Variants in KDM2B observed in about 807,000 individuals in gnomAD.
KDM2B encodes the protein lysine-specific demethylase 2B.
In KDM2B, 26 loss-of-function variants were observed where a neutral mutation model predicts 150.0. The ratio of observed to expected loss-of-function variants is 0.17; its 90% confidence interval spans 0.13 to 0.24. The LOEUF is 0.24. Ranked by LOEUF, KDM2B falls within the 10% of genes least tolerant of loss-of-function variation. KDM2B has a pLI of 1.00. For synonymous variants in KDM2B, 734 were observed against 729.5 expected, an observed-to-expected ratio of 1.01 and a Z score of -0.10; for missense variants, 1,265 against 1,816.9, an observed-to-expected ratio of 0.70 and a Z score of 5.52.
At chr12:121,423,640 A>G in the KDM2B span, 2 of 1,381,994 alleles carry the variant, frequency 1.4e-6, no homozygotes, top group Non-Finnish European at 2.0e-6. This position sits in a 1 kb window ranked among gnomAD's most constrained non-coding sequence, Gnocchi z 4.3. Context: ...AATGCACAGA[A>G]GGGACTGGAA....
At chr12:121,416,397 A>T in the KDM2B span, 1 of 1,456,818 alleles carries the variant, frequency 6.9e-7, no homozygotes, top group Non-Finnish European at 9.6e-7. Context: ...ATGAAATGTT[A>T]CATAACAACA....
At chr12:121,462,328 G>C (rs1879225482) in intron 12 of KDM2B, among the ~76,000 whole-genome samples, 1 of 152,282 alleles carries the variant, frequency 6.6e-6, no homozygotes, top group Admixed American at 6.5e-5. Flanking sequence ...TAAGGAGCAA[G>C]AGACTAAAAA....
At chr12:121,542,480 A>G (rs1555309921) in intron 6 of KDM2B, among the ~76,000 whole-genome samples, 1 of 152,270 alleles carries the variant, frequency 6.6e-6, no homozygotes. Context: ...ACCCTGAGCC[A>G]GAACCACCCA....
chr12:121,532,732 C>T lies in KDM2B; in HGVS notation c.931+74G>A, dbSNP rs1555308047. 3.9e-6 allele frequency: 6 copies of T among 1,519,686 alleles called. No homozygotes were observed. In the African/African-American group the frequency reaches 8.2e-5, roughly 21 times the overall value. The allele number at this position is 1,519,686 out of a possible 1,614,324, so 94.1% of individuals were successfully genotyped here. On this transcript the variant is annotated intron_variant, in intron 8 of 22. Transcript: ENST00000377071. ...TCAAACCCACCAGGCCCAGAGCAACCCTCAGGGGGCCTAAAACCCTGGCTC... is the reference window on the plus strand; with the variant it reads ...TCAAACCCACCAGGCCCAGAGCAACTCTCAGGGGGCCTAAAACCCTGGCTC...
chr12:121,549,071 C>A lies in KDM2B; in HGVS notation c.577-88G>T. ...TTTCCCCGGAGAGTCCTTGGGCCCC[C>A]CCGCTCCCCCAATCTACTGTGGGCT... On this transcript the variant is annotated intron_variant, in intron 5 of 22. Coordinates refer to ENST00000377071, the MANE Select transcript of KDM2B (RefSeq NM_032590.5). The surrounding 1 kb of genome is among the most constrained non-coding windows in gnomAD (Gnocchi z 4.4). The A allele has an allele frequency of 9.6e-7, 1 of 1,046,810 alleles. No homozygotes were observed. Among genetic ancestry groups the A allele is most frequent in the Non-Finnish European group, 1.5e-6 (1 of 688,990 alleles). The allele number at this position is 1,046,810 out of a possible 1,614,324, so 64.8% of individuals were successfully genotyped here. A position where few individuals can be genotyped will look rare whatever the true frequency, so the allele number is the denominator to read the frequency against.
At chr12:121,417,896 T>A in the KDM2B span, 1 of 1,613,844 alleles carries the variant, frequency 6.2e-7, no homozygotes, top group Non-Finnish European at 8.5e-7. This position sits in a 1 kb window ranked among gnomAD's most constrained non-coding sequence, Gnocchi z 5.0. Flanking sequence ...CATCCAGATC[T>A]GGAGTGCCGG....
chr12:121,500,758 C>T (rs782713347), intron 11 of KDM2B, among the ~76,000 whole-genome samples: 1 of 152,224 alleles, frequency 6.6e-6, no homozygotes, highest in African/African-American at 2.4e-5. Context: ...CATCCCAGCC[C>T]CACCGTCTGT....
intron 4 of KDM2B, among the ~76,000 whole-genome samples, chr12:121,570,689 A>G (rs1406740594): frequency 6.6e-6 from 1 of 152,202 alleles, no homozygotes; most frequent in African/African-American, 2.4e-5. Flanking sequence ...ACAAGGATGT[A>G]GGGAAACCAG....
intron 22 of KDM2B, among the ~76,000 whole-genome samples, chr12:121,436,453 G>A (rs1041219032): frequency 6.6e-6 from 1 of 151,822 alleles, no homozygotes; most frequent in Non-Finnish European, 1.5e-5. Context: ...CCTGGGAGGC[G>A]GAGCTTGTAG....
intron 4 of KDM2B, among the ~76,000 whole-genome samples, chr12:121,559,196 C>T (rs782806145): frequency 2.9e-4 from 44 of 152,256 alleles, no homozygotes; most frequent in Admixed American, 2.0e-3. Context: ...TAGGGGGAAG[C>T]GTATAGGCAA....
intron 6 of KDM2B, chr12:121,536,147 C>G: frequency 1.0e-6 from 1 of 976,608 alleles, no homozygotes; most frequent in Non-Finnish European, 1.2e-6. Flanking sequence ...TGGGGCTGAG[C>G]TGGTTAGAAG....
At chr12:121,552,706 A>ACAG (rs1889595719) in intron 4 of KDM2B, among the ~76,000 whole-genome samples, 1 of 149,520 alleles carries the variant, frequency 6.7e-6, no homozygotes. Flanking sequence ...ATTCCAGACC[A>ACAG]CAGCAGTGGC....
At chr12:121,572,476 A>G (rs1555316124) in intron 4 of KDM2B, among the ~76,000 whole-genome samples, 2 of 151,882 alleles carry the variant, frequency 1.3e-5, no homozygotes, top group East Asian at 1.9e-4. Flanking sequence ...TCTTCCCTCA[A>G]CCTAGAATGT....
intron 6 of KDM2B, among the ~76,000 whole-genome samples, chr12:121,545,137 C>G (rs1325892032): frequency 6.6e-6 from 1 of 152,158 alleles, no homozygotes; most frequent in Non-Finnish European, 1.5e-5. Flanking sequence ...CAGAACTGTT[C>G]TACGATCCCG....
intron 22 of KDM2B, among the ~76,000 whole-genome samples, chr12:121,431,842 C>T (rs1165737083): frequency 6.6e-6 from 1 of 151,000 alleles, no homozygotes; most frequent in African/African-American, 2.4e-5. Flanking sequence ...GATGCTTCAA[C>T]AGATAACTCA....
At chr12:121,500,717 C>G (rs1282021278) in intron 11 of KDM2B, among the ~76,000 whole-genome samples, 4 of 152,224 alleles carry the variant, frequency 2.6e-5, no homozygotes, top group African/African-American at 9.6e-5. Flanking sequence ...CAGGCATCAA[C>G]GCACCTGGGG....
At chr12:121,434,526 CAGG>C (rs1161691044) in intron 22 of KDM2B, among the ~76,000 whole-genome samples, 4 of 147,262 alleles carry the variant, frequency 2.7e-5, no homozygotes, top group African/African-American at 7.5e-5. Flanking sequence ...AAAAAAGAAT[CAGG>C]AGCCCAGAAA....
intron 7 of KDM2B, among the ~76,000 whole-genome samples, chr12:121,534,083 C>T (rs1165930762): frequency 2.0e-5 from 3 of 152,226 alleles, no homozygotes; most frequent in South Asian, 4.2e-4. Flanking sequence ...GGCACAGTGG[C>T]TCACGCCTCT....
At chr12:121,553,877 A>G (rs981182330) in intron 4 of KDM2B, among the ~76,000 whole-genome samples, 32 of 152,134 alleles carry the variant, frequency 2.1e-4, no homozygotes, top group African/African-American at 7.7e-4. Context: ...ATGGTTGCAC[A>G]GCTCTGTGAA....
Sources: allele counts gnomAD v4.1 joint callset (sites outside exome capture counted in the v4.1 genomes callset), GRCh38; gene constraint gnomAD v4.1.1; non-coding constraint Gnocchi (gnomAD v3.1); transcripts MANE v1.5; gene names NCBI Gene and HGNC (gene_info 2026-07-23, HGNC 2026-07-21).